The following TDRD3 variants were observed in gnomAD, a reference collection of about 807,000 sequenced individuals.
TDRD3 encodes the protein tudor domain-containing protein 3.
In TDRD3, 45 loss-of-function variants were observed where a neutral mutation model predicts 86.7. The ratio of observed to expected loss-of-function variants is 0.52; its 90% CI spans 0.41 to 0.67. TDRD3 has a LOEUF of 0.67. Ranked by LOEUF, TDRD3 falls within the 30% of genes least tolerant of loss-of-function variation. The pLI, the probability that TDRD3 is intolerant of heterozygous loss-of-function variation, is 0.00. For missense variants in TDRD3, 814 were observed against 889.0 expected (o/e 0.92, Z 1.07); for synonymous variants, 298 against 301.7 (o/e 0.99, Z 0.13).
intron 7 of TDRD3, among the ~76,000 whole-genome samples, chr13:60,487,311 C>T (rs925605970): frequency 6.6e-5 from 10 of 151,950 alleles, no homozygotes. Flanking sequence ...ACCCTGTCTC[C>T]ACTAAAATTA....
chr13:60,490,986 G>A lies in TDRD3; in HGVS notation c.718-3449G>A, dbSNP rs996401489. Among the ~76,000 whole-genome samples the A allele has an allele frequency of 2.0e-5, 3 of 152,072 alleles. No individual in the cohort carries two copies. In the South Asian group the frequency reaches 6.2e-4, roughly 32 times the overall value. Reference sequence around the variant, plus strand: ...TACAAAATTAGCTGGGCGTGGTGGCGCATGCCTATAATCCCAGCTACTCGG... The same window carrying A: ...TACAAAATTAGCTGGGCGTGGTGGCACATGCCTATAATCCCAGCTACTCGG... On this transcript the variant is annotated intron_variant, in intron 7 of 13. Transcript: ENST00000377881.
chr13:60,562,219 A>G (rs754875414), intron 12 of TDRD3, among the ~76,000 whole-genome samples: 2 of 152,100 alleles, frequency 1.3e-5, no homozygotes, highest in Non-Finnish European at 2.9e-5. Context: ...AGGCTGAGAC[A>G]GAAGAATAGC....
Position 60,467,243 on chromosome 13 carries a change from A to G in TDRD3, c.359A>G (p.Asn120Ser), listed in dbSNP as rs775142157. The change falls in exon 5 of 14, where the codon AAC becomes AGC. Residue 120 changes from asparagine to serine, a missense_variant. Transcript: ENST00000377881. ...EFSYMSKISL[N>S]TPPGTKVKLS... ...CACTTTTCTCTTTGCTTTAGCCTGA[A>G]CACACCACCTGGAACTAAAGTTAAG... 1 of 1,613,656 alleles carries G rather than the reference A, an allele frequency of 6.2e-7. No individual in the cohort carries two copies. Among genetic ancestry groups the G allele is most frequent in the Non-Finnish European group, 8.5e-7 (1 of 1,179,760 alleles).
chr13:60,520,180 A>G (rs1419136007), intron 10 of TDRD3, among the ~76,000 whole-genome samples: 1 of 152,208 alleles, frequency 6.6e-6, no homozygotes, highest in African/African-American at 2.4e-5. Flanking sequence ...TTTAATGAGA[A>G]CAGGAAAACA....
chr13:60,408,247 A>T (rs1386734048), intron 1 of TDRD3, among the ~76,000 whole-genome samples: 1 of 152,210 alleles, frequency 6.6e-6, no homozygotes, highest in African/African-American at 2.4e-5. Context: ...TGTAAGTCCA[A>T]TTAAACCTCT....
At chr13:60,493,523 G>T (rs1001341534) in intron 7 of TDRD3, among the ~76,000 whole-genome samples, 1 of 151,908 alleles carries the variant, frequency 6.6e-6, no homozygotes, top group Admixed American at 6.6e-5. Flanking sequence ...TTAGCCGGGT[G>T]GTAGTGGCAC....
chr13:60,521,144 A>G (rs964194413), intron 10 of TDRD3, among the ~76,000 whole-genome samples: 1 of 152,212 alleles, frequency 6.6e-6, no homozygotes, highest in Non-Finnish European at 1.5e-5. Context: ...TTTGAACTCA[A>G]TCTAAATCTA....
chr13:60,416,111 A>C (rs1007935495), intron 1 of TDRD3, among the ~76,000 whole-genome samples: 3 of 152,186 alleles, frequency 2.0e-5, no homozygotes, highest in African/African-American at 7.2e-5. Flanking sequence ...TTGATAAGGT[A>C]TTGATTTTAG....
chr13:60,484,737 A>G (rs1450928028), intron 6 of TDRD3: 17 of 455,000 alleles, frequency 3.7e-5, no homozygotes, highest in Admixed American at 1.6e-4. Flanking sequence ...GTGAAGTCCT[A>G]TGGTGTGATC....
At chr13:60,430,744 A>G (rs1248525748) in intron 1 of TDRD3, among the ~76,000 whole-genome samples, 1 of 152,062 alleles carries the variant, frequency 6.6e-6, no homozygotes, top group Admixed American at 6.6e-5. Context: ...AATTTTTTTA[A>G]TACCAAATAA....
At chr13:60,404,160 T>C (rs1235586141) in intron 1 of TDRD3, among the ~76,000 whole-genome samples, 2 of 152,212 alleles carry the variant, frequency 1.3e-5, no homozygotes, top group Non-Finnish European at 2.9e-5. Flanking sequence ...TCATGTCTTG[T>C]GCTCTTTGGC....
chr13:60,424,189 T>A (rs1954737752), intron 1 of TDRD3, among the ~76,000 whole-genome samples: 1 of 151,466 alleles, frequency 6.6e-6, no homozygotes. Flanking sequence ...GCCCGGCTAA[T>A]TTTTTGTATT....
intron 1 of TDRD3, among the ~76,000 whole-genome samples, chr13:60,401,893 C>T (rs1954112434): frequency 6.6e-6 from 1 of 152,126 alleles, no homozygotes; most frequent in African/African-American, 2.4e-5. Context: ...TTATTAAGGT[C>T]TTTGTCAAAA....
chr13:60,494,583 TA>T lies in TDRD3; in HGVS notation c.858+11del. 1 of 1,607,420 alleles carries T rather than the reference TA, an allele frequency of 6.2e-7. No individual in the cohort carries two copies. ...GGTGTCTATAGAGAACTGGTAAGGC[TA>T]AAGAACTAACCACAAATTTAAAGTG... On this transcript the variant is annotated intron_variant, in intron 8 of 13. Coordinates refer to ENST00000377881, the MANE Select transcript of TDRD3 (RefSeq NM_001146070.2).
At chr13:60,490,004 T>C (rs531632629) in intron 7 of TDRD3, among the ~76,000 whole-genome samples, 14 of 151,852 alleles carry the variant, frequency 9.2e-5, no homozygotes, top group Non-Finnish European at 1.9e-4. Flanking sequence ...GTTGTCACAA[T>C]TGATATTATA....
At chr13:60,534,298 G>A (rs1343627019) in intron 11 of TDRD3, among the ~76,000 whole-genome samples, 1 of 152,170 alleles carries the variant, frequency 6.6e-6, no homozygotes, top group African/African-American at 2.4e-5. Flanking sequence ...GGGCAACAGA[G>A]TGAGAACTTG....
chr13:60,445,239 C>T (rs1566196391), intron 3 of TDRD3, among the ~76,000 whole-genome samples: 3 of 152,208 alleles, frequency 2.0e-5, no homozygotes, highest in South Asian at 2.1e-4. Context: ...AATTTTTTTG[C>T]GTCAGCAAAC....
At chr13:60,406,048 C>T (rs771911265) in intron 1 of TDRD3, among the ~76,000 whole-genome samples, 23 of 152,086 alleles carry the variant, frequency 1.5e-4, no homozygotes, top group South Asian at 4.1e-4. Flanking sequence ...AGAAGACGGT[C>T]GCATTTTTGG....
intron 12 of TDRD3, chr13:60,547,357 C>G (rs939455223): frequency 1.5e-5 from 15 of 985,344 alleles, no homozygotes; most frequent in Non-Finnish European, 1.7e-5. Context: ...GTGGGCAAGG[C>G]TGGTCTTGGG....
Sources: allele counts gnomAD v4.1 joint callset (sites outside exome capture counted in the v4.1 genomes callset), GRCh38; gene constraint gnomAD v4.1.1; transcripts MANE v1.5; gene names NCBI Gene and HGNC (gene_info 2026-07-23, HGNC 2026-07-21).